Variants in ITGB6 observed in about 807,000 individuals in gnomAD.
ITGB6 encodes integrin subunit beta 6.
A neutral mutation model predicts 84.5 loss-of-function variants in ITGB6; 80 were observed. The observed-to-expected ratio is 0.95, with a 90% CI of 0.79 to 1.14. The LOEUF (loss-of-function observed/expected upper bound fraction) is 1.14. Ranked by LOEUF, ITGB6 falls within the 50% of genes most tolerant of loss-of-function variation. The pLI, the probability that ITGB6 is intolerant of heterozygous loss-of-function variation, is 0.00. For missense variants in ITGB6, 1,006 were observed against 968.0 expected, an observed-to-expected ratio of 1.04 and a Z score of -0.52; for synonymous variants, 383 against 354.9, an observed-to-expected ratio of 1.08 and a Z score of -0.89.
chr2:160,150,059 C>T (rs1020852482), intron 7 of ITGB6, among the ~76,000 whole-genome samples: 1 of 152,070 alleles, frequency 6.6e-6, no homozygotes, highest in African/African-American at 2.4e-5. Flanking sequence ...GAGAACTTCC[C>T]CAACATAGCA....
intron 12 of ITGB6, among the ~76,000 whole-genome samples, chr2:160,117,746 A>G (rs1291509619): frequency 6.6e-6 from 1 of 152,200 alleles, no homozygotes; most frequent in Non-Finnish European, 1.5e-5. Context: ...TGAAAAGATC[A>G]ACAAAATCAA....
intron 4 of ITGB6, among the ~76,000 whole-genome samples, chr2:160,179,899 A>G (rs1443147019): frequency 6.8e-6 from 1 of 146,972 alleles, no homozygotes; most frequent in Non-Finnish European, 1.5e-5. Flanking sequence ...GGAGTTCAAG[A>G]CCAGCCAGAC....
At position 160,199,498 on chromosome 2, in the gene ITGB6, C is replaced by T. The variant is rs1025978626; in HGVS notation, c.62-240G>A. ...TCTTATAAGCCAAAATTATCATGCT[C>T]TTTTTTCTTAAAATGTGAAAGTTCA... On this transcript the variant is annotated intron_variant, in intron 1 of 14. Transcript: ENST00000283249. 7.9e-5 allele frequency among the ~76,000 whole-genome samples: 12 copies of T among 152,236 alleles called. No individual in the cohort carries two copies. The East Asian group carries it at 2.3e-3, about 29-fold the overall frequency.
chr2:160,119,994 A>G (rs890117573), intron 12 of ITGB6, among the ~76,000 whole-genome samples: 9 of 151,826 alleles, frequency 5.9e-5, no homozygotes, highest in South Asian at 2.1e-4. Flanking sequence ...TTAGAATGGC[A>G]ATCATTAAAA....
chr2:160,151,621 A>G (rs1158969333), intron 7 of ITGB6, among the ~76,000 whole-genome samples: 1 of 152,236 alleles, frequency 6.6e-6, no homozygotes, highest in African/African-American at 2.4e-5. Context: ...GAGATAAGAG[A>G]CACAAAAAAC....
At chr2:160,122,667 TA>T (rs1273909397) in intron 12 of ITGB6, among the ~76,000 whole-genome samples, 1 of 152,222 alleles carries the variant, frequency 6.6e-6, no homozygotes, top group Admixed American at 6.5e-5. Context: ...TTGGCATGTT[TA>T]TCTTTGGTCA....
Position 160,200,025 on chromosome 2 carries a change from T to A in ITGB6, c.39A>T (p.Leu13=). 1 of 1,613,814 alleles carries A rather than the reference T, an allele frequency of 6.2e-7. No individual in the cohort carries two copies. Among genetic ancestry groups the A allele is most frequent in the Non-Finnish European group, 8.5e-7 (1 of 1,179,774 alleles). The stretch of plus-strand genomic sequence containing the variant: ...TACCTTGTACGTGATCATTCCTTCC[T>A]AGAAATAGAAAGAACAGGCAAAGCA... ...IELLCLFFLF[L]GRNDHVQGGC... is the part of the protein sequence containing the mutation. Residue 13 remains leucine, a synonymous_variant, in exon 1 of 15, where the codon CTA becomes CTT. Transcript: ENST00000283249.
At chr2:160,124,693 G>T (rs1451001208) in intron 11 of ITGB6, among the ~76,000 whole-genome samples, 2 of 152,140 alleles carry the variant, frequency 1.3e-5, no homozygotes, top group Non-Finnish European at 2.9e-5. Context: ...CTCTGGCCAT[G>T]GAAATGTATG....
At position 160,199,281 on chromosome 2, in the gene ITGB6, G is replaced by T. The variant is rs770178505; in HGVS notation, c.62-23C>A. The T allele has an allele frequency of 5.0e-6, 8 of 1,586,936 alleles. No homozygotes were observed. In the Admixed American group the frequency reaches 1.0e-4, roughly 20 times the overall value. ...CACCTAGGTTTAGACCCAGCAAGAT[G>T]CAGGGATTAAGTACACTTTCAGTCA... On this transcript the variant is annotated intron_variant, in intron 1 of 14. Transcript: ENST00000283249.
chr2:160,172,574 C>G lies in ITGB6; in HGVS notation c.916G>C (p.Val306Leu), dbSNP rs371374688. Residue 306 changes from valine (V) to leucine (L), a missense_variant, in exon 6 of 15, where the codon GTC becomes CTC. Coordinates refer to ENST00000283249, the MANE Select transcript of ITGB6 (RefSeq NM_000888.5). ...DSKNEYSMST[V>L]LEYPTIGQLI... ...ACAGAGTGCAGGTTACACACCAAGA[C>G]AGTTGACATGGAGTATTCATTCTTG... is the stretch of plus-strand genomic sequence containing the variant. 1.8e-5 allele frequency: 29 copies of G among 1,598,000 alleles called. No homozygotes were observed. The highest frequency in any genetic ancestry group is 2.7e-5 in the African/African-American group (2 of 74,820).
chr2:160,133,183 A>G (rs1221114102), intron 10 of ITGB6, among the ~76,000 whole-genome samples: 5 of 152,290 alleles, frequency 3.3e-5, no homozygotes, highest in Admixed American at 6.5e-5. Context: ...CACTGCAAAG[A>G]CACACATAGG....
chr2:160,110,208 A>G (rs1367521765), intron 13 of ITGB6, among the ~76,000 whole-genome samples: 1 of 152,202 alleles, frequency 6.6e-6, no homozygotes, highest in African/African-American at 2.4e-5. Flanking sequence ...TAGCTCTGGC[A>G]CGTAATTACT....
chr2:160,123,072 C>A (rs1482909836), intron 12 of ITGB6, among the ~76,000 whole-genome samples: 3 of 152,086 alleles, frequency 2.0e-5, no homozygotes, highest in Non-Finnish European at 4.4e-5. Flanking sequence ...TTTTAAAGTC[C>A]ACAAATTATT....
At chr2:160,146,853 C>A (rs940117154) in intron 7 of ITGB6, among the ~76,000 whole-genome samples, 3 of 152,034 alleles carry the variant, frequency 2.0e-5, no homozygotes, top group Non-Finnish European at 4.4e-5. Context: ...GTAATCCCAA[C>A]ACTTTGGGAG....
At chr2:160,146,098 GTGAGGCATGCCCCTCATT>G (rs72368301) in intron 7 of ITGB6, among the ~76,000 whole-genome samples, 4,961 of 152,140 alleles carry the variant, frequency 0.033, 139 homozygotes, top group Middle Eastern at 0.1. Context: ...TATAGACCAT[GTGAGGCATGCCCCTCATT>G]TGAGGCATGC....
intron 7 of ITGB6, among the ~76,000 whole-genome samples, chr2:160,160,704 A>G (rs1423520042): frequency 6.6e-6 from 1 of 152,176 alleles, no homozygotes; most frequent in Non-Finnish European, 1.5e-5. Context: ...TTCAAAGGCT[A>G]TGACACGTGG....
At chr2:160,135,536 A>G in intron 10 of ITGB6, among the ~76,000 whole-genome samples, 1 of 152,092 alleles carries the variant, frequency 6.6e-6, no homozygotes, top group Admixed American at 6.6e-5. Flanking sequence ...CTTTCTTCAC[A>G]GAACTGGAAA....
intron 2 of ITGB6, among the ~76,000 whole-genome samples, chr2:160,198,714 T>C (rs902462969): frequency 4.6e-5 from 7 of 152,232 alleles, no homozygotes; most frequent in African/African-American, 1.4e-4. Flanking sequence ...ATCTGACCAG[T>C]AATATTTGCC....
chr2:160,137,624 A>G lies in ITGB6; in HGVS notation c.1470T>C (p.Cys490=). The change falls in exon 10 of 15, where the codon TGT becomes TGC. Residue 490 remains cysteine, a synonymous_variant. Coordinates refer to ENST00000283249, the MANE Select transcript of ITGB6 (RefSeq NM_000888.5). ...TGCTCAGCATGTCCTCGCCACACTC[A>G]CAGCGAGGCCCCATGTGGCCAGGGT... ...ACHPGHMGPR[C]ECGEDMLSTD... is the part of the protein sequence containing the mutation. 6.2e-7 allele frequency: 1 copy of G among 1,614,072 alleles called. No individual in the cohort carries two copies. The highest frequency in any genetic ancestry group is 8.5e-7 in the Non-Finnish European group (1 of 1,179,928).
Sources: gnomAD v4.1 joint callset for allele counts (sites outside exome capture counted in the v4.1 genomes callset) on GRCh38, gnomAD v4.1.1 for gene constraint, MANE v1.5 for transcripts, NCBI Gene and HGNC (gene_info 2026-07-23, HGNC 2026-07-21) for gene names.